The following PCDHA5 variants were observed in gnomAD, a reference collection of about 807,000 sequenced individuals.
PCDHA5 encodes the protein protocadherin alpha 5.
A neutral mutation model predicts 61.6 loss-of-function variants in PCDHA5; 43 were observed. The ratio of observed to expected loss-of-function variants is 0.70; its 90% CI spans 0.55 to 0.90. The LOEUF (loss-of-function observed/expected upper bound fraction) is 0.90, where lower values mean the gene tolerates loss of function less well. Ranked by LOEUF, PCDHA5 falls within the 40% of genes least tolerant of loss-of-function variation. The probability of loss-of-function intolerance (pLI) is 0.00; values close to 1 mark genes in which losing one functional copy is unlikely to be tolerated. For missense variants in PCDHA5, 1,298 were observed against 1,222.7 expected (o/e 1.06, Z -0.92); for synonymous variants, 627 against 543.9 (o/e 1.15, Z -2.13).
intron 1 of PCDHA5, among the ~76,000 whole-genome samples, chr5:140,900,751 G>A (rs781973754): frequency 1.3e-5 from 2 of 152,060 alleles, no homozygotes; most frequent in African/African-American, 2.4e-5. Context: ...GGATCACTTG[G>A]TAGCTCTATT....
intron 1 of PCDHA5, chr5:140,851,160 A>G: frequency 7.7e-7 from 1 of 1,297,140 alleles, no homozygotes; most frequent in Non-Finnish European, 9.9e-7. Context: ...TTCTGATGCT[A>G]TGCTGCCATA....
chr5:140,849,578 G>A (rs2150441176), intron 1 of PCDHA5: 2 of 1,598,680 alleles, frequency 1.3e-6, no homozygotes, highest in East Asian at 2.2e-5. Flanking sequence ...CTGTAAAAGA[G>A]GACGCACAAC....
intron 1 of PCDHA5, among the ~76,000 whole-genome samples, chr5:140,961,132 T>G (rs1186627628): frequency 6.6e-6 from 1 of 152,238 alleles, no homozygotes; most frequent in Admixed American, 6.5e-5. Context: ...GTCTTGGCAC[T>G]TAAGAGTTGG....
intron 3 of PCDHA5, among the ~76,000 whole-genome samples, chr5:140,998,381 G>A (rs932010146): frequency 4.6e-5 from 7 of 152,144 alleles, no homozygotes; most frequent in Non-Finnish European, 2.9e-5. Flanking sequence ...TCTCTAGAAA[G>A]TTTAATGCCA....
At chr5:140,990,492 A>G (rs533006418) in intron 3 of PCDHA5, among the ~76,000 whole-genome samples, 1 of 152,308 alleles carries the variant, frequency 6.6e-6, no homozygotes, top group South Asian at 2.1e-4. Flanking sequence ...TAGTGAGGTG[A>G]CATTCCCCAA....
At chr5:140,930,168 C>T (rs2086634095) in intron 1 of PCDHA5, 1 of 152,048 alleles carries the variant, frequency 6.6e-6, no homozygotes, top group Non-Finnish European at 1.5e-5. Context: ...TAATATTTTA[C>T]AAAGAGGAAA....
intron 1 of PCDHA5, chr5:140,883,557 G>A (rs868923862): frequency 6.2e-7 from 1 of 1,614,214 alleles, no homozygotes; most frequent in Non-Finnish European, 8.5e-7. Flanking sequence ...GCGCGGGACG[G>A]GGGCTCGCCT....
At chr5:140,914,613 G>A (rs2076780862) in intron 1 of PCDHA5, among the ~76,000 whole-genome samples, 1 of 151,852 alleles carries the variant, frequency 6.6e-6, no homozygotes, top group Non-Finnish European at 1.5e-5. Flanking sequence ...CTGCCATTTT[G>A]TAATTTGTTT....
At chr5:140,832,639 G>T (rs1038103707) in intron 1 of PCDHA5, among the ~76,000 whole-genome samples, 1 of 152,018 alleles carries the variant, frequency 6.6e-6, no homozygotes, top group African/African-American at 2.4e-5. Flanking sequence ...TTCCTAGGAG[G>T]GTCTTTAAGA....
intron 1 of PCDHA5, among the ~76,000 whole-genome samples, chr5:140,948,960 G>A (rs900113633): frequency 5.9e-5 from 9 of 151,550 alleles, no homozygotes; most frequent in Non-Finnish European, 1.2e-4. Context: ...TTAAAGCCAC[G>A]AATTTATTAG....
chr5:140,843,693 T>C, intron 1 of PCDHA5: 1 of 1,585,660 alleles, frequency 6.3e-7, no homozygotes, highest in Non-Finnish European at 8.6e-7. Context: ...GAGCAAGATT[T>C]AAATGTTGAT....
intron 1 of PCDHA5, chr5:140,828,594 TA>T: frequency 6.2e-7 from 1 of 1,614,242 alleles, no homozygotes; most frequent in Non-Finnish European, 8.5e-7. Flanking sequence ...AATTCCATCT[TA>T]ACCTATAAAC....
chr5:140,823,640 G>T lies in PCDHA5; in HGVS notation c.1865G>T (p.Arg622Leu), dbSNP rs2150127782. 6.2e-7 allele frequency: 1 copy of T among 1,613,994 alleles called. No individual in the cohort carries two copies. The highest frequency in any genetic ancestry group is 8.5e-7 in the Non-Finnish European group (1 of 1,179,944). ...CCTGGCAGTGCGCGCATCCCGTTCCGCGTGGGGCTGTACACAGGCGAGATC... is the reference window on the plus strand; with the variant it reads ...CCTGGCAGTGCGCGCATCCCGTTCCTCGTGGGGCTGTACACAGGCGAGATC... ...PAPGSARIPF[R>L]VGLYTGEIST... Residue 622 changes from arginine (R) to leucine (L), a missense_variant, in exon 1 of 4, where the codon CGC (arginine) becomes CTC (leucine). Physicochemically the swap from Arg to Leu is moderately radical, Grantham distance 102. Transcript: ENST00000529859.
intron 1 of PCDHA5, among the ~76,000 whole-genome samples, chr5:140,910,646 G>T (rs1490115049): frequency 6.6e-6 from 1 of 152,158 alleles, no homozygotes; most frequent in Non-Finnish European, 1.5e-5. Flanking sequence ...TAAACCTTTT[G>T]ATCCCTTCCT....
At chr5:140,917,324 C>CGGGGGGGG (rs1299895515) in intron 1 of PCDHA5, among the ~76,000 whole-genome samples, 1 of 76,104 alleles carries the variant, frequency 1.3e-5, no homozygotes, top group Non-Finnish European at 2.9e-5. Context: ...GTTCATGTGG[C>CGGGGGGGG]GGGGGAGGGG....
At position 140,822,835 on chromosome 5, in the gene PCDHA5, C is replaced by T; in HGVS notation, c.1060C>T (p.Leu354Phe). 3 of 1,614,198 alleles carry T rather than the reference C, an allele frequency of 1.9e-6. No individual in the cohort carries two copies. Among genetic ancestry groups the T allele is most frequent in the South Asian group, 2.2e-5 (2 of 91,080 alleles). ...TACCCCAGAGATGGCCATAACCACC[C>T]TTTTCCTGCCTGTCAAAGAGGACGC... ...DNTPEMAITT[L>F]FLPVKEDAPL... is the part of the protein sequence containing the mutation. Residue 354 changes from leucine (L) to phenylalanine (F), a missense_variant, in exon 1 of 4, where the codon CTT (leucine) becomes TTT (phenylalanine). By Grantham distance (22) the Leu-to-Phe change is conservative. Coordinates refer to ENST00000529859, the MANE Select transcript of PCDHA5 (RefSeq NM_018908.3).
intron 1 of PCDHA5, among the ~76,000 whole-genome samples, chr5:140,975,937 A>C (rs2096690423): frequency 1.3e-5 from 2 of 152,194 alleles, no homozygotes; most frequent in South Asian, 2.1e-4. Context: ...CTTTGAAGCA[A>C]TAGGACATAT....
At chr5:140,875,546 AGGTGGGGAGCG>A in intron 1 of PCDHA5, 1 of 1,614,002 alleles carries the variant, frequency 6.2e-7, no homozygotes, top group Non-Finnish European at 8.5e-7. Context: ...GCAGCCTGGG[AGGTGGGGAGCG>A]GCCAGCTCCA....
At chr5:140,941,198 T>TCTTC (rs202127003) in intron 1 of PCDHA5, among the ~76,000 whole-genome samples, 5 of 119,810 alleles carry the variant, frequency 4.2e-5, no homozygotes, top group Non-Finnish European at 7.0e-5. Flanking sequence ...TTTTTTTCTT[T>TCTTC]CTTCCTTTCT....
Sources: allele counts gnomAD v4.1 joint callset (sites outside exome capture counted in the v4.1 genomes callset), GRCh38; gene constraint gnomAD v4.1.1; transcripts MANE v1.5; gene names NCBI Gene and HGNC (gene_info 2026-07-23, HGNC 2026-07-21).